Variants in MFGE8 observed in about 807,000 individuals in gnomAD.
MFGE8 encodes the protein lactadherin.
Under a neutral mutation model 42.6 loss-of-function variants are expected in MFGE8, and 34 were observed. The observed-to-expected ratio is 0.80, with a 90% CI of 0.61 to 1.06. The LOEUF is 1.06. MFGE8 is among the 50% of genes least tolerant of loss of function. The pLI, the probability that MFGE8 is intolerant of heterozygous loss-of-function variation, is 0.00. For missense variants in MFGE8, 510 were observed against 516.9 expected (o/e 0.99, Z 0.13); for synonymous variants, 230 against 214.8 (o/e 1.07, Z -0.62).
rs1596186848 is a variant in MFGE8, at chr15:88,899,761, G to A, written c.921C>T (p.Ala307=). 1 of 1,614,108 alleles carries A rather than the reference G, an allele frequency of 6.2e-7. No homozygotes were observed. The highest frequency in any genetic ancestry group is 8.5e-7 in the Non-Finnish European group (1 of 1,179,994). The part of the protein sequence containing the change: ...KEVTGIITQG[A]RNFGSVQFVA... ...CAAACTGGACAGAGCCAAAGTTACGGGCCCCCTGGGTGATGATGCCTGTCA... is the reference window on the plus strand; with the variant it reads ...CAAACTGGACAGAGCCAAAGTTACGAGCCCCCTGGGTGATGATGCCTGTCA... Residue 307 remains alanine, a synonymous_variant, in exon 7 of 8, where the codon GCC becomes GCT. Transcript: ENST00000268150. The surrounding 1 kb of genome is among the most constrained non-coding windows in gnomAD (Gnocchi z 6.8).
At position 88,906,822 on chromosome 15, in the gene MFGE8, C is replaced by A. The variant is rs755450257; in HGVS notation, c.388-44G>T. 9 of 1,610,658 alleles carry A rather than the reference C, an allele frequency of 5.6e-6. No individual in the cohort carries two copies. Among genetic ancestry groups the A allele is most frequent in the Non-Finnish European group, 7.6e-6 (9 of 1,178,958 alleles). On this transcript the variant is annotated intron_variant, in intron 3 of 7. Coordinates refer to ENST00000268150, the MANE Select transcript of MFGE8 (RefSeq NM_005928.4). The surrounding 1 kb of genome is among the most constrained non-coding windows in gnomAD (Gnocchi z 4.2). The stretch of plus-strand genomic sequence containing the variant: ...AGATGGCACCCTTATCTCCTGGGTT[C>A]TTTCCACTCAAGATCCAAGCAGACC...
intron 1 of MFGE8, chr15:88,912,444 C>T (rs1567026203): frequency 2.0e-6 from 2 of 985,362 alleles, no homozygotes; most frequent in Non-Finnish European, 2.4e-6. Context: ...TCAGTCAATC[C>T]CATTTCTATG....
At chr15:88,912,595 G>A (rs1596207114) in intron 1 of MFGE8, 1 of 985,382 alleles carries the variant, frequency 1.0e-6, no homozygotes, top group Non-Finnish European at 1.2e-6. Context: ...AGGCGGAGGA[G>A]GACCGGGGAA....
In MFGE8 at chr15:88,901,586, C is replaced by T. The variant is rs997325900; in HGVS notation, c.835G>A (p.Val279Ile). The T allele has an allele frequency of 2.5e-6, 4 of 1,600,336 alleles. No homozygotes were observed. The highest frequency in any genetic ancestry group is 3.4e-6 in the Non-Finnish European group (4 of 1,171,482). ...LDKQGNFNAW[V>I]AGSYGNDQWL... is the part of the protein sequence containing the mutation. ...TGATCGTTACCGTAGCTCCCCGCAA[C>T]CCAGGCGTTGAAGTTGCCCTGCTTG... The change falls in exon 6 of 8, where the codon GTT (valine) becomes ATT (isoleucine). Residue 279 changes from valine (V) to isoleucine (I), a missense_variant. Coordinates refer to ENST00000268150, the MANE Select transcript of MFGE8 (RefSeq NM_005928.4).
intron 6 of MFGE8, 32 bp downstream of exon 6, chr15:88,901,519 C>A: frequency 8.1e-7 from 1 of 1,231,696 alleles, no homozygotes; most frequent in South Asian, 1.2e-5. Flanking sequence ...CCCACCCAAC[C>A]CCAGCCCCAT....
At chr15:88,901,890 A>T in intron 5 of MFGE8, 155 bp from the exon 6 acceptor site, 1 of 741,246 alleles carries the variant, frequency 1.3e-6, no homozygotes, top group Non-Finnish European at 2.3e-6. Flanking sequence ...TTGCAGGGCC[A>T]ACTGTGCGAC....
rs952413520 is a variant in MFGE8, at chr15:88,905,147, C to T, written c.685+610G>A. Among the ~76,000 whole-genome samples the T allele has an allele frequency of 6.6e-6, 1 of 152,146 alleles. No individual in the cohort carries two copies. The highest frequency in any genetic ancestry group is 1.5e-5 in the Non-Finnish European group (1 of 68,022). The stretch of plus-strand genomic sequence containing the variant: ...GCAGCAGGAAGCACCAGCTCCAAGC[C>T]CTGTGGTCCAAGAAGCCCCTGTGTT... On this transcript the variant is annotated intron_variant, in intron 5 of 7. Transcript: ENST00000268150. The surrounding 1 kb of genome is among the most constrained non-coding windows in gnomAD (Gnocchi z 6.6).
chr15:88,902,002 C>T lies in MFGE8; in HGVS notation c.686-267G>A, dbSNP rs1898458801. 8.4e-6 allele frequency: 4 copies of T among 473,608 alleles called. No individual in the cohort carries two copies. Among genetic ancestry groups the T allele is most frequent in the Non-Finnish European group, 1.6e-5 (4 of 255,224 alleles). 29.3% of individuals were successfully genotyped at this position (473,608 alleles called of 1,614,324 possible). A position where few individuals can be genotyped will look rare whatever the true frequency, so the allele number is the denominator to read the frequency against. ...CACTCACCACCCTTCTCCTCTGCAC[C>T]AGGGAAGGCCCCTGCTCCACCACCT... On this transcript the variant is annotated intron_variant, in intron 5 of 7. Transcript: ENST00000268150. This position sits in a 1 kb window ranked among gnomAD's most constrained non-coding sequence, Gnocchi z 4.3.
intron 5 of MFGE8, 182 bp from the exon 6 acceptor site, chr15:88,901,917 C>G (rs1898454878): frequency 4.7e-6 from 3 of 643,860 alleles, no homozygotes; most frequent in Non-Finnish European, 8.5e-6. Flanking sequence ...ACTGCCGACC[C>G]CACCACCTCC....
rs2280214 is a variant in MFGE8 at position 88,899,375 on chromosome 15, C to T, written c.*20G>A. On this transcript the variant is annotated 3_prime_UTR_variant, in exon 8 of 8. Transcript: ENST00000268150. The surrounding 1 kb of genome is among the most constrained non-coding windows in gnomAD (Gnocchi z 6.8). ...GCGGGCCCATGGAAAGCAGGAAGAC[C>T]TGGGGGTGGCAGGTGGCCACTAACA... The T allele has an allele frequency of 0.11, 174,283 of 1,613,646 alleles. 10,311 individuals are homozygous for T. Among genetic ancestry groups the T allele is most frequent in the Middle Eastern group, 0.21 (1,267 of 6,018 alleles).
In MFGE8 at chr15:88,899,329, G is replaced by A. The variant is rs76078791; in HGVS notation, c.*66C>T. ...TCCCCAGCCCTATGGTGATTTAAAG[G>A]GGCTGAGAAGCCAAGAGGCAGCGGG... On this transcript the variant is annotated 3_prime_UTR_variant, in exon 8 of 8. Coordinates refer to ENST00000268150, the MANE Select transcript of MFGE8 (RefSeq NM_005928.4). This position sits in a 1 kb window ranked among gnomAD's most constrained non-coding sequence, Gnocchi z 6.8. The A allele has an allele frequency of 3.7e-3, 5,982 of 1,605,776 alleles. 190 individuals carry two copies. In the African/African-American group the frequency reaches 0.066, roughly 18 times the overall value.
intron 2 of MFGE8, 81 bp downstream of exon 2, chr15:88,909,711 C>T (rs1008157761): frequency 3.1e-6 from 5 of 1,604,156 alleles, no homozygotes; most frequent in Non-Finnish European, 4.3e-6. Flanking sequence ...GAGAATAAGG[C>T]CAGCATATGG....
At chr15:88,912,933 A>T (rs921094109) in intron 1 of MFGE8, 1 of 985,208 alleles carries the variant, frequency 1.0e-6, no homozygotes, top group African/African-American at 1.7e-5. Flanking sequence ...CCCTGGCCTC[A>T]TTTTTCACCA....
Position 88,905,368 on chromosome 15 carries a change from C to G in MFGE8, c.685+389G>C. On this transcript the variant is annotated intron_variant, in intron 5 of 7. Coordinates refer to ENST00000268150, the MANE Select transcript of MFGE8 (RefSeq NM_005928.4). This position sits in a 1 kb window ranked among gnomAD's most constrained non-coding sequence, Gnocchi z 6.6. ...TTATTGAGTACCTATAAACCAGACA[C>G]CATTCTAGGCCCTGGGAATACCGAA... is the stretch of plus-strand genomic sequence containing the variant. 1 of 407,070 alleles carries G rather than the reference C, an allele frequency of 2.5e-6. No homozygotes were observed. The highest frequency in any genetic ancestry group is 1.9e-5 in the South Asian group (1 of 52,686). 25.2% of individuals were successfully genotyped at this position (407,070 alleles called of 1,614,324 possible).
intron 1 of MFGE8, among the ~76,000 whole-genome samples, chr15:88,911,496 G>C (rs1210555635): frequency 6.6e-6 from 1 of 152,178 alleles, no homozygotes. Flanking sequence ...GCCGAGGTGG[G>C]AGGATCATGA....
rs1026492183 is a variant in MFGE8, at chr15:88,913,344, T to C, written c.-25A>G. 20 of 1,411,150 alleles carry C rather than the reference T, an allele frequency of 1.4e-5. No homozygotes were observed. The East Asian group carries it at 5.9e-4, about 41-fold the overall frequency. The allele number at this position is 1,411,150 out of a possible 1,614,324, so 87.4% of individuals were successfully genotyped here. A position where few individuals can be genotyped will look rare whatever the true frequency, so the allele number is the denominator to read the frequency against. On this transcript the variant is annotated 5_prime_UTR_variant, in exon 1 of 8. Coordinates refer to ENST00000268150, the MANE Select transcript of MFGE8 (RefSeq NM_005928.4). ...TGCTGCGGGGACGCGGGCGCTGGAA[T>C]GGGCACGCTGGGCTGCTCAGACCCC...
chr15:88,912,814 A>G (rs937469643), intron 1 of MFGE8: 11 of 985,308 alleles, frequency 1.1e-5, no homozygotes, highest in African/African-American at 1.7e-5. Flanking sequence ...TGTCCAGCCA[A>G]CTGGAGTTGG....
rs1387414334 is a variant in MFGE8 at position 88,913,320 on chromosome 15, G to T, written c.-1C>A. The T allele has an allele frequency of 2.8e-6, 4 of 1,442,762 alleles. No individual in the cohort carries two copies. The highest frequency in any genetic ancestry group is 3.6e-6 in the Non-Finnish European group (4 of 1,109,408). The allele number at this position is 1,442,762 out of a possible 1,614,324, so 89.4% of individuals were successfully genotyped here. On this transcript the variant is annotated 5_prime_UTR_variant, in exon 1 of 8. Coordinates refer to ENST00000268150, the MANE Select transcript of MFGE8 (RefSeq NM_005928.4). ...CGGCCAGCAGGCGGGGGCGCGGCAT[G>T]CTGCGGGGACGCGGGCGCTGGAATG... is the stretch of plus-strand genomic sequence containing the variant.
chr15:88,910,172 A>G (rs2141722680), intron 1 of MFGE8: 1 of 444,734 alleles, frequency 2.2e-6, no homozygotes, highest in Non-Finnish European at 4.2e-6. Context: ...AGTGTCCAGA[A>G]AAGTGCTGGC....
Sources: gnomAD v4.1 joint callset for allele counts (sites outside exome capture counted in the v4.1 genomes callset) on GRCh38, gnomAD v4.1.1 for gene constraint, Gnocchi (gnomAD v3.1) non-coding constraint, MANE v1.5 for transcripts, NCBI Gene and HGNC (gene_info 2026-07-23, HGNC 2026-07-21) for gene names.